The following CHRM3 variants were observed in gnomAD, a reference collection of about 807,000 sequenced individuals.
CHRM3 encodes the protein cholinergic receptor muscarinic 3, also known as muscarinic acetylcholine receptor M3.
Under a neutral mutation model 41.8 loss-of-function variants are expected in CHRM3, and 11 were observed. The ratio of observed to expected loss-of-function variants is 0.26; its 90% CI spans 0.17 to 0.44. The LOEUF (loss-of-function observed/expected upper bound fraction) is 0.44. Among genes scored for constraint, CHRM3 ranks in the 20% least tolerant of loss-of-function variants. The probability of loss-of-function intolerance (pLI) is 1.00; values close to 1 mark genes in which losing one functional copy is unlikely to be tolerated. For missense variants in CHRM3, 571 were observed against 745.4 expected, an observed-to-expected ratio of 0.77 and a Z score of 2.72; for synonymous variants, 297 against 301.4, an observed-to-expected ratio of 0.99 and a Z score of 0.15.
At chr1:239,665,619 C>T (rs1673712706) in intron 4 of CHRM3, among the ~76,000 whole-genome samples, 1 of 152,064 alleles carries the variant, frequency 6.6e-6, no homozygotes, top group African/African-American at 2.4e-5. Flanking sequence ...TTGCTGCACC[C>T]ATCAACCCAT....
At chr1:239,629,190 GA>G (rs1332184335) in intron 3 of CHRM3, 1 of 145,472 alleles carries the variant, frequency 6.9e-6, no homozygotes, top group African/African-American at 2.6e-5. Flanking sequence ...CCAGGTGTGG[GA>G]TATAGTCTCG....
chr1:239,446,488 G>A (rs1664164766), intron 1 of CHRM3, among the ~76,000 whole-genome samples: 1 of 152,140 alleles, frequency 6.6e-6, no homozygotes. Flanking sequence ...TTACTAAATA[G>A]TAATGAAAAT....
intron 1 of CHRM3, among the ~76,000 whole-genome samples, chr1:239,445,035 A>G (rs895721568): frequency 7.2e-5 from 11 of 152,190 alleles, no homozygotes; most frequent in Non-Finnish European, 1.3e-4. Context: ...TTTGGCAACA[A>G]TGAGGTTATT....
At chr1:239,508,515 A>T (rs1201075688) in intron 2 of CHRM3, among the ~76,000 whole-genome samples, 4 of 152,192 alleles carry the variant, frequency 2.6e-5, no homozygotes, top group Non-Finnish European at 5.9e-5. Flanking sequence ...TATGGTTTAA[A>T]TTAAACAGTG....
chr1:239,505,638 C>G (rs1668517619), intron 2 of CHRM3, among the ~76,000 whole-genome samples: 2 of 152,132 alleles, frequency 1.3e-5, no homozygotes, highest in African/African-American at 4.8e-5. Flanking sequence ...TCAACTGCAT[C>G]AAAATGGACC....
chr1:239,722,489 G>A (rs56266008), intron 5 of CHRM3, among the ~76,000 whole-genome samples: 32,784 of 151,814 alleles, frequency 0.22, 4,701 homozygotes, highest in East Asian at 0.51. Context: ...TAAGACTTAA[G>A]TTCTAGTCTT....
intron 5 of CHRM3, among the ~76,000 whole-genome samples, chr1:239,783,168 G>T (rs1393366027): frequency 6.6e-6 from 1 of 151,786 alleles, no homozygotes; most frequent in Non-Finnish European, 1.5e-5. Context: ...TGTCTGCTGG[G>T]TCTATTTCTC....
At chr1:239,605,406 G>T (rs986121465) in intron 3 of CHRM3, among the ~76,000 whole-genome samples, 3 of 152,094 alleles carry the variant, frequency 2.0e-5, no homozygotes, top group Admixed American at 2.0e-4. Flanking sequence ...ATATCGCCAA[G>T]GTGTGTAGTA....
intron 3 of CHRM3, among the ~76,000 whole-genome samples, chr1:239,611,169 T>A (rs565502366): frequency 6.6e-6 from 1 of 152,232 alleles, no homozygotes; most frequent in African/African-American, 2.4e-5. Context: ...AATAAATAAA[T>A]TTGAGCTGTA....
intron 3 of CHRM3, among the ~76,000 whole-genome samples, chr1:239,610,267 C>A (rs1215627014): frequency 6.7e-6 from 1 of 149,242 alleles, no homozygotes; most frequent in Non-Finnish European, 1.5e-5. Flanking sequence ...TCCCTAAATT[C>A]ATCCAATTGA....
At chr1:239,564,824 A>C (rs1046058355) in intron 3 of CHRM3, among the ~76,000 whole-genome samples, 2 of 152,176 alleles carry the variant, frequency 1.3e-5, no homozygotes, top group African/African-American at 4.8e-5. Context: ...GGGAAAAAAT[A>C]ATAAAATGCC....
At chr1:239,605,375 C>T (rs185333874) in intron 3 of CHRM3, among the ~76,000 whole-genome samples, 41 of 152,158 alleles carry the variant, frequency 2.7e-4, no homozygotes, top group Admixed American at 1.4e-3. Flanking sequence ...ACAGATTAGC[C>T]GAGGAGCAAC....
At chr1:239,516,229 G>A (rs1254610299) in intron 2 of CHRM3, among the ~76,000 whole-genome samples, 2 of 152,088 alleles carry the variant, frequency 1.3e-5, no homozygotes, top group East Asian at 1.9e-4. Flanking sequence ...GGAGAACATC[G>A]TAAGCAATTA....
intron 2 of CHRM3, among the ~76,000 whole-genome samples, chr1:239,541,168 A>C (rs1395661521): frequency 2.1e-5 from 3 of 145,706 alleles, no homozygotes; most frequent in Non-Finnish European, 4.5e-5. Flanking sequence ...TACTCAGGTG[A>C]GCAAGAACCT....
chr1:239,583,283 G>A (rs1204238742), intron 3 of CHRM3, among the ~76,000 whole-genome samples: 2 of 152,166 alleles, frequency 1.3e-5, no homozygotes, highest in African/African-American at 4.8e-5. Flanking sequence ...AATTACAAAT[G>A]ATTCATTGAG....
intron 3 of CHRM3, among the ~76,000 whole-genome samples, chr1:239,627,565 T>C (rs1669122194): frequency 8.1e-6 from 1 of 124,040 alleles, no homozygotes; most frequent in African/African-American, 3.2e-5. Flanking sequence ...CTGGTGATTT[T>C]GCTCATTAGT....
chr1:239,397,387 T>C (rs1659576519), intron 1 of CHRM3, among the ~76,000 whole-genome samples: 1 of 152,146 alleles, frequency 6.6e-6, no homozygotes, highest in African/African-American at 2.4e-5. Flanking sequence ...ATAGAAAATG[T>C]TGTGGCCGGG....
At chr1:239,821,575 C>G (rs968286646) in intron 5 of CHRM3, among the ~76,000 whole-genome samples, 1 of 152,180 alleles carries the variant, frequency 6.6e-6, no homozygotes, top group African/African-American at 2.4e-5. Context: ...GCACCAGTCT[C>G]CCAGCCACTA....
chr1:239,427,088 G>A (rs989570127), intron 1 of CHRM3, among the ~76,000 whole-genome samples: 5 of 152,092 alleles, frequency 3.3e-5, no homozygotes, highest in Non-Finnish European at 7.4e-5. Flanking sequence ...TTTGCAATAC[G>A]TGTGTGAAAA....
Sources: gnomAD v4.1 joint callset for allele counts (sites outside exome capture counted in the v4.1 genomes callset) on GRCh38, gnomAD v4.1.1 for gene constraint, MANE v1.5 for transcripts, NCBI Gene and HGNC (gene_info 2026-07-23, HGNC 2026-07-21) for gene names.